The following FBXL20 variants were observed in gnomAD, a reference collection of about 807,000 sequenced individuals.
The protein encoded by FBXL20 is F-box/LRR-repeat protein 20.
FBXL20 carries 11 observed loss-of-function variants against 64.0 expected under a neutral mutation model. The ratio of observed to expected loss-of-function variants is 0.17; its 90% CI spans 0.11 to 0.28. The LOEUF (loss-of-function observed/expected upper bound fraction) is 0.28. Ranked by LOEUF, FBXL20 falls within the 10% of genes least tolerant of loss-of-function variation. The pLI, the probability that FBXL20 is intolerant of heterozygous loss-of-function variation, is 1.00. For synonymous variants in FBXL20, 184 were observed against 189.0 expected, an observed-to-expected ratio of 0.97 and a Z score of 0.22; for missense variants, 303 against 526.2, an observed-to-expected ratio of 0.58 and a Z score of 4.15.
chr17:39,299,125 A>G, intron 4 of FBXL20, 41 bp from the exon 5 acceptor site: 1 of 1,373,506 alleles, frequency 7.3e-7, no homozygotes, highest in Non-Finnish European at 1.0e-6. Context: ...AACCCACCTC[A>G]TTACTTTAGA....
chr17:39,283,397 T>A (rs2046963866), intron 7 of FBXL20, among the ~76,000 whole-genome samples: 1 of 152,134 alleles, frequency 6.6e-6, no homozygotes, highest in Admixed American at 6.6e-5. Context: ...ACATTGATAC[T>A]CAAAAAGTTT....
chr17:39,347,997 T>C (rs2047650615), intron 1 of FBXL20, among the ~76,000 whole-genome samples: 2 of 151,644 alleles, frequency 1.3e-5, no homozygotes, highest in South Asian at 4.1e-4. Flanking sequence ...TTACATTTTT[T>C]AGAAGAAAAA....
chr17:39,313,533 G>A (rs997558802), intron 2 of FBXL20, among the ~76,000 whole-genome samples: 7 of 151,626 alleles, frequency 4.6e-5, no homozygotes, highest in Admixed American at 2.0e-4. Flanking sequence ...TTGCCCAGCC[G>A]AGATAATTAT....
intron 6 of FBXL20, among the ~76,000 whole-genome samples, chr17:39,290,556 A>T (rs747471442): frequency 6.6e-6 from 1 of 152,094 alleles, no homozygotes; most frequent in African/African-American, 2.4e-5. Context: ...AAGTTACGTT[A>T]TCTTATTTGT....
At chr17:39,393,205 CT>C (rs1486806527) in intron 1 of FBXL20, among the ~76,000 whole-genome samples, 1 of 151,750 alleles carries the variant, frequency 6.6e-6, no homozygotes, top group Non-Finnish European at 1.5e-5. Flanking sequence ...AGGAGAATCA[CT>C]TGAACCCAGG....
At chr17:39,332,170 A>C (rs1049764985) in intron 2 of FBXL20, among the ~76,000 whole-genome samples, 2 of 152,242 alleles carry the variant, frequency 1.3e-5, no homozygotes, top group Admixed American at 1.3e-4. Context: ...CCTAGAATTT[A>C]AACCGAAGGA....
chr17:39,379,223 A>T (rs1233325304), intron 1 of FBXL20, among the ~76,000 whole-genome samples: 1 of 151,058 alleles, frequency 6.6e-6, no homozygotes, highest in African/African-American at 2.4e-5. Flanking sequence ...AAAAAAATAA[A>T]TAAATAAAAT....
chr17:39,351,339 C>CAA (rs375439559), intron 1 of FBXL20, among the ~76,000 whole-genome samples: 3,479 of 95,616 alleles, frequency 0.036, 80 homozygotes, highest in African/African-American at 0.063. Flanking sequence ...TCTGTCTCAC[C>CAA]AAAAAAAAAA....
chr17:39,318,346 G>A (rs1439903812), intron 2 of FBXL20, among the ~76,000 whole-genome samples: 1 of 152,150 alleles, frequency 6.6e-6, no homozygotes, highest in African/African-American at 2.4e-5. Flanking sequence ...AATAGTCTAA[G>A]ACTATCAGAA....
At chr17:39,325,792 C>G (rs2047403066) in intron 2 of FBXL20, among the ~76,000 whole-genome samples, 1 of 152,030 alleles carries the variant, frequency 6.6e-6, no homozygotes, top group Admixed American at 6.6e-5. Flanking sequence ...AGCTGGCACC[C>G]ATGACAGGCA....
chr17:39,377,118 T>C (rs1468979587), intron 1 of FBXL20, among the ~76,000 whole-genome samples: 2 of 152,156 alleles, frequency 1.3e-5, no homozygotes, highest in Admixed American at 1.3e-4. Context: ...TTAGGAGTCA[T>C]GAAGCTGGAG....
chr17:39,269,331 C>G (rs1353519017), intron 11 of FBXL20, among the ~76,000 whole-genome samples: 1 of 150,190 alleles, frequency 6.7e-6, no homozygotes, highest in Non-Finnish European at 1.5e-5. Flanking sequence ...GTAGCTGGGA[C>G]TACAGGCGCC....
In FBXL20 at chr17:39,255,624, A is replaced by C. The variant is rs2046688390; in HGVS notation, c.*5836T>G. On this transcript the variant is annotated 3_prime_UTR_variant, in exon 15 of 15. Coordinates refer to ENST00000264658, the MANE Select transcript of FBXL20 (RefSeq NM_032875.3). ...GTTGGGAGGCTGAGGTGGGCAGATC[A>C]CCTGAGGTTGGGAGTTTGAAACCAG... is the stretch of plus-strand genomic sequence containing the variant. 6.6e-6 allele frequency: 1 copy of C among 151,400 alleles called. No individual in the cohort carries two copies. Among genetic ancestry groups the C allele is most frequent in the Admixed American group, 6.6e-5 (1 of 15,176 alleles). The allele number at this position is 151,400 out of a possible 1,614,324, so 9.4% of individuals were successfully genotyped here. A position where few individuals can be genotyped will look rare whatever the true frequency, so the allele number is the denominator to read the frequency against.
intron 2 of FBXL20, among the ~76,000 whole-genome samples, chr17:39,326,514 G>A (rs1003603571): frequency 6.6e-6 from 1 of 151,902 alleles, no homozygotes; most frequent in African/African-American, 2.4e-5. Context: ...CTAGCTACTA[G>A]GAGGGCTGAG....
At chr17:39,401,855 A>G (rs1042816854), upstream of FBXL20, 7 of 412,344 alleles carry the variant, frequency 1.7e-5, no homozygotes, top group Non-Finnish European at 2.6e-5. Context: ...TGCGCCTCCG[A>G]GGCAGACGAG....
At chr17:39,320,158 C>T (rs899414966) in intron 2 of FBXL20, among the ~76,000 whole-genome samples, 5 of 152,066 alleles carry the variant, frequency 3.3e-5, no homozygotes, top group African/African-American at 1.2e-4. Flanking sequence ...AATAGATATG[C>T]AAATAATTTT....
intron 1 of FBXL20, among the ~76,000 whole-genome samples, chr17:39,354,926 T>C (rs1404220884): frequency 6.6e-6 from 1 of 151,060 alleles, no homozygotes; most frequent in African/African-American, 2.4e-5. Context: ...TTTCTTGGTT[T>C]TTTTGTTTGT....
chr17:39,319,696 A>C (rs866255733), intron 2 of FBXL20, among the ~76,000 whole-genome samples: 1 of 145,144 alleles, frequency 6.9e-6, no homozygotes, highest in African/African-American at 2.6e-5. Context: ...AAAAAAAAAA[A>C]CTATAGCAGA....
At chr17:39,324,023 C>CCAACCCCA (rs2047384636) in intron 2 of FBXL20, among the ~76,000 whole-genome samples, 1 of 139,030 alleles carries the variant, frequency 7.2e-6, no homozygotes, top group Non-Finnish European at 1.5e-5. Context: ...CTCCCCCCCC[C>CCAACCCCA]ACCCCCTGGC....
Sources: gnomAD v4.1 joint callset for allele counts (sites outside exome capture counted in the v4.1 genomes callset) on GRCh38, gnomAD v4.1.1 for gene constraint, MANE v1.5 for transcripts, NCBI Gene and HGNC (gene_info 2026-07-23, HGNC 2026-07-21) for gene names.